Variants in TAFA2 observed in about 807,000 individuals in gnomAD.
TAFA2 encodes TAFA chemokine like family member 2, also known as chemokine-like protein TAFA-2.
Under a neutral mutation model 18.8 loss-of-function variants are expected in TAFA2, and 7 were observed. The ratio of observed to expected loss-of-function variants is 0.37; its 90% CI spans 0.21 to 0.70. The LOEUF (loss-of-function observed/expected upper bound fraction) is 0.70. Ranked by LOEUF, TAFA2 falls within the 30% of genes least tolerant of loss-of-function variation. TAFA2 has a pLI of 0.53. For synonymous variants in TAFA2, 60 were observed against 54.2 expected (o/e 1.11, Z -0.47); for missense variants, 122 against 158.1 (o/e 0.77, Z 1.23).
chr12:62,203,440 T>TA (rs952629180), intron 1 of TAFA2, among the ~76,000 whole-genome samples: 55 of 152,370 alleles, frequency 3.6e-4, no homozygotes, highest in African/African-American at 1.3e-3. Flanking sequence ...AGTGGGGTGT[T>TA]AAAGTCTCCC....
At chr12:62,123,772 C>CCACACACACACACACACA (rs369871302) in intron 1 of TAFA2, among the ~76,000 whole-genome samples, 15 of 68,990 alleles carry the variant, frequency 2.2e-4, no homozygotes, top group African/African-American at 4.3e-4. Context: ...ATCTCCCCCA[C>CCACACACACACACACACA]CACACACATA....
chr12:61,911,017 G>C (rs1277158126), intron 1 of TAFA2, among the ~76,000 whole-genome samples: 1 of 152,168 alleles, frequency 6.6e-6, no homozygotes, highest in Non-Finnish European at 1.5e-5. Context: ...CATGGCTGAA[G>C]AGTTACATCA....
At chr12:62,183,229 T>C (rs117549364) in intron 1 of TAFA2, among the ~76,000 whole-genome samples, 26 of 152,310 alleles carry the variant, frequency 1.7e-4, no homozygotes, top group Non-Finnish European at 3.1e-4. Context: ...AACCACCACA[T>C]GAGGGTCTAG....
chr12:62,026,216 C>T (rs1354647817), intron 1 of TAFA2, among the ~76,000 whole-genome samples: 1 of 152,124 alleles, frequency 6.6e-6, no homozygotes, highest in African/African-American at 2.4e-5. Context: ...GGAAAGGTTG[C>T]TAAGGTGTTC....
chr12:62,098,438 T>C (rs1362255340), intron 1 of TAFA2, among the ~76,000 whole-genome samples: 2 of 152,186 alleles, frequency 1.3e-5, no homozygotes, highest in Non-Finnish European at 2.9e-5. Flanking sequence ...GCAGTGGCTA[T>C]GTTCCCTGCC....
intron 1 of TAFA2, among the ~76,000 whole-genome samples, chr12:61,940,196 A>C (rs569170643): frequency 6.6e-6 from 1 of 152,320 alleles, no homozygotes; most frequent in African/African-American, 2.4e-5. Flanking sequence ...CCAGCTTCAT[A>C]GACATGTAAT....
chr12:61,717,249 A>C (rs1869702025), intron 4 of TAFA2, among the ~76,000 whole-genome samples: 1 of 152,202 alleles, frequency 6.6e-6, no homozygotes, highest in Non-Finnish European at 1.5e-5. Flanking sequence ...TCATGCAATG[A>C]GGTATTACGA....
chr12:62,109,914 T>C (rs1227697447), intron 1 of TAFA2, among the ~76,000 whole-genome samples: 4 of 152,358 alleles, frequency 2.6e-5, no homozygotes, highest in Middle Eastern at 3.4e-3. Context: ...TACAATCATG[T>C]CATCTGCAAA....
At chr12:62,234,423 G>T (rs1445148167) in intron 1 of TAFA2, 2 of 737,026 alleles carry the variant, frequency 2.7e-6, no homozygotes, top group East Asian at 5.9e-5. Context: ...GCTGTCCATT[G>T]TTGGCCCGTG....
chr12:61,871,431 A>C (rs1874596919), intron 1 of TAFA2, among the ~76,000 whole-genome samples: 1 of 152,220 alleles, frequency 6.6e-6, no homozygotes, highest in South Asian at 2.1e-4. Context: ...TCCTGGCTCC[A>C]ACACAAAAAG....
chr12:61,918,017 T>A (rs528440379), intron 1 of TAFA2, among the ~76,000 whole-genome samples: 19 of 152,278 alleles, frequency 1.2e-4, no homozygotes, highest in Non-Finnish European at 1.9e-4. Flanking sequence ...TTATTTATTT[T>A]TTTTTTCATT....
chr12:62,258,744 A>G, intron 1 of TAFA2: 1 of 372,042 alleles, frequency 2.7e-6, no homozygotes, highest in Non-Finnish European at 5.4e-6. Flanking sequence ...CTAAAGGTTG[A>G]AGTGAGGTTT....
At chr12:62,130,493 GGCTAACCC>G (rs1364545421) in intron 1 of TAFA2, among the ~76,000 whole-genome samples, 1 of 151,874 alleles carries the variant, frequency 6.6e-6, no homozygotes, top group African/African-American at 2.4e-5. Context: ...CATTTTTGCT[GGCTAACCC>G]GCTCCCCAGG....
At chr12:62,104,808 A>G (rs959199255) in intron 1 of TAFA2, 8 of 416,400 alleles carry the variant, frequency 1.9e-5, no homozygotes, top group Non-Finnish European at 3.8e-5. Context: ...CAAACTTCTC[A>G]TCTCTTTATG....
At chr12:61,862,919 A>G (rs1874187286) in intron 2 of TAFA2, among the ~76,000 whole-genome samples, 1 of 152,118 alleles carries the variant, frequency 6.6e-6, no homozygotes, top group Non-Finnish European at 1.5e-5. Flanking sequence ...TATTTTTCTT[A>G]TTACCTATTT....
chr12:61,833,091 A>T (rs1490834444), intron 2 of TAFA2, among the ~76,000 whole-genome samples: 1 of 147,710 alleles, frequency 6.8e-6, no homozygotes, highest in African/African-American at 2.5e-5. Flanking sequence ...TATATATATT[A>T]TATATATGAT....
chr12:62,101,406 A>C (rs977978457), intron 1 of TAFA2, among the ~76,000 whole-genome samples: 3 of 152,158 alleles, frequency 2.0e-5, no homozygotes, highest in Non-Finnish European at 2.9e-5. Context: ...CTGGAAATAT[A>C]CACTGAATAC....
At chr12:61,716,741 C>A (rs1289929423) in intron 4 of TAFA2, among the ~76,000 whole-genome samples, 1 of 152,120 alleles carries the variant, frequency 6.6e-6, no homozygotes, top group Non-Finnish European at 1.5e-5. Context: ...TAAATTTTCA[C>A]TAAAATATCC....
intron 1 of TAFA2, among the ~76,000 whole-genome samples, chr12:62,172,618 C>T (rs1190051125): frequency 6.6e-6 from 1 of 152,196 alleles, no homozygotes; most frequent in African/African-American, 2.4e-5. Context: ...CTCAGTAACA[C>T]TGTAGCCAAC....
Sources: gnomAD v4.1 joint callset for allele counts (sites outside exome capture counted in the v4.1 genomes callset) on GRCh38, gnomAD v4.1.1 for gene constraint, MANE v1.5 for transcripts, NCBI Gene and HGNC (gene_info 2026-07-23, HGNC 2026-07-21) for gene names.